MAK16: variants seen among roughly 807,000 people sequenced by gnomAD.
MAK16 encodes protein MAK16 homolog.
Under a neutral mutation model 49.9 loss-of-function variants are expected in MAK16, and 12 were observed. The observed-to-expected ratio is 0.24, with a 90% CI of 0.15 to 0.39. MAK16 has a LOEUF of 0.39. Among genes scored for constraint, MAK16 ranks in the 10% least tolerant of loss-of-function variants. The probability of loss-of-function intolerance (pLI) is 1.00; values close to 1 mark genes in which losing one functional copy is unlikely to be tolerated. For missense variants in MAK16, 292 were observed against 363.7 expected (o/e 0.80, Z 1.60); for synonymous variants, 115 against 126.4 (o/e 0.91, Z 0.60).
Position 33,489,084 on chromosome 8 carries a change from T to G in MAK16, c.337T>G (p.Phe113Val), listed in dbSNP as rs1808734696. The change falls in exon 5 of 10, where the codon TTC becomes GTC. Residue 113 changes from phenylalanine (F) to valine (V), a missense_variant. Coordinates refer to ENST00000360128, the MANE Select transcript of MAK16 (RefSeq NM_032509.4). The surrounding 1 kb of genome is among the most constrained non-coding windows in gnomAD (Gnocchi z 4.2). ...RFIRHKCKQR[F>V]TKITQYLIRI... ...CATTCGACACAAATGTAAGCAGAGA[T>G]TCACCAAGATCACCCAATACCTAAT... The G allele has an allele frequency of 1.2e-6, 2 of 1,614,042 alleles. No individual in the cohort carries two copies. The highest frequency in any genetic ancestry group is 2.2e-5 in the South Asian group (2 of 91,080).
At position 33,489,967 on chromosome 8, in the gene MAK16, C is replaced by T. The variant is rs1464195098; in HGVS notation, c.393-318C>T. 2.0e-5 allele frequency among the ~76,000 whole-genome samples: 3 copies of T among 152,080 alleles called. No individual in the cohort carries two copies. The highest frequency in any genetic ancestry group is 7.2e-5 in the African/African-American group (3 of 41,410). On this transcript the variant is annotated intron_variant, in intron 5 of 9. Transcript: ENST00000360128. This position sits in a 1 kb window ranked among gnomAD's most constrained non-coding sequence, Gnocchi z 4.2. ...AGTCTTAATTTTAGCATGGTGAATG[C>T]CCTGAGAATCCCAGAATGCCTGAAC...
At position 33,488,809 on chromosome 8, in the gene MAK16, C is replaced by A. The variant is rs1808726961; in HGVS notation, c.240+11C>A. The A allele has an allele frequency of 1.2e-6, 2 of 1,613,860 alleles. No individual in the cohort carries two copies. The highest frequency in any genetic ancestry group is 1.7e-6 in the Non-Finnish European group (2 of 1,179,862). On this transcript the variant is annotated intron_variant, in intron 4 of 9. Coordinates refer to ENST00000360128, the MANE Select transcript of MAK16 (RefSeq NM_032509.4). Reference sequence around the variant, plus strand: ...CGTCTCTGGGAACGGGTAAGCCTTACAACAAAACTACAGTGACCGCTGATC... The same window carrying A: ...CGTCTCTGGGAACGGGTAAGCCTTAAAACAAAACTACAGTGACCGCTGATC...
intron 6 of MAK16, among the ~76,000 whole-genome samples, chr8:33,492,674 CG>C (rs1808796485): frequency 6.6e-6 from 1 of 152,090 alleles, no homozygotes; most frequent in Non-Finnish European, 1.5e-5. Flanking sequence ...AGTGTATGTT[CG>C]TGGCACGTTT....
chr8:33,488,828 G>A (rs771219602), intron 4 of MAK16, 30 bp downstream of exon 4: 12 of 1,612,042 alleles, frequency 7.4e-6, no homozygotes, highest in South Asian at 4.4e-5. Flanking sequence ...TACAGTGACC[G>A]CTGATCAAGA....
At position 33,489,718 on chromosome 8, in the gene MAK16, T is replaced by C. The variant is rs1227354923; in HGVS notation, c.393-567T>C. Among the ~76,000 whole-genome samples the C allele has an allele frequency of 6.6e-6, 1 of 152,140 alleles. No homozygotes were observed. Among genetic ancestry groups the C allele is most frequent in the African/African-American group, 2.4e-5 (1 of 41,448 alleles). ...ATGACCCCCGAGGGAATCTTAACTT[T>C]AGAGATTTGAAAATGATCTAAGACA... is the stretch of plus-strand genomic sequence containing the variant. On this transcript the variant is annotated intron_variant, in intron 5 of 9. Coordinates refer to ENST00000360128, the MANE Select transcript of MAK16 (RefSeq NM_032509.4). This position sits in a 1 kb window ranked among gnomAD's most constrained non-coding sequence, Gnocchi z 4.2.
intron 6 of MAK16, among the ~76,000 whole-genome samples, chr8:33,492,703 T>C (rs192371866): frequency 1.6e-3 from 244 of 152,332 alleles, no homozygotes; most frequent in African/African-American, 4.7e-3. Flanking sequence ...ATGAGTTCAC[T>C]GTACGTGTGT....
chr8:33,500,493 G>C lies in MAK16; in HGVS notation c.*1864G>C. 1.2e-6 allele frequency: 2 copies of C among 1,613,868 alleles called. No individual in the cohort carries two copies. Among genetic ancestry groups the C allele is most frequent in the Non-Finnish European group, 1.7e-6 (2 of 1,179,954 alleles). ...AGACCACAAGTCTGCAGGAAACTCT[G>C]GAATCAGGAAGAAAAGCTATGTTCA... On this transcript the variant is annotated 3_prime_UTR_variant, in exon 10 of 10. Transcript: ENST00000360128.
At chr8:33,485,592 T>TC in intron 1 of MAK16, 1 of 349,946 alleles carries the variant, frequency 2.9e-6, no homozygotes. Context: ...AGCGTCCTTC[T>TC]CATCCATGTG....
intron 7 of MAK16, among the ~76,000 whole-genome samples, chr8:33,495,889 T>C (rs754246248): frequency 2.4e-4 from 37 of 151,758 alleles, no homozygotes; most frequent in Non-Finnish European, 4.9e-4. Flanking sequence ...CTAATTTTTG[T>C]ATTTTTAGTA....
At position 33,498,444 on chromosome 8, in the gene MAK16, C is replaced by G. The variant is rs1020087126; in HGVS notation, c.718C>G (p.Leu240Val). The change falls in exon 10 of 10, where the codon CTG (leucine) becomes GTG (valine). Residue 240 changes from leucine to valine, a missense_variant. Physicochemically the swap from Leu to Val is conservative, Grantham distance 32. Transcript: ENST00000360128. The stretch of plus-strand genomic sequence containing the variant: ...CTCCCCGTAATAGGATATGGATAAA[C>G]TGGATGCCAGCAGTGATGAAGATCA... ...DISDFEDMDK[L>V]DASSDEDQDG... 1 of 1,613,934 alleles carries G rather than the reference C, an allele frequency of 6.2e-7. No homozygotes were observed. Among genetic ancestry groups the G allele is most frequent in the Non-Finnish European group, 8.5e-7 (1 of 1,179,992 alleles).
At chr8:33,487,980 G>A (rs1049267853) in intron 1 of MAK16, among the ~76,000 whole-genome samples, 1 of 152,080 alleles carries the variant, frequency 6.6e-6, no homozygotes, top group Non-Finnish European at 1.5e-5. Context: ...CCAGGCTGGA[G>A]CGCAATGGCA....
rs1427376040 is a variant in MAK16 at position 33,498,701 on chromosome 8, A to G, written c.*72A>G. The G allele has an allele frequency of 7.9e-7, 1 of 1,270,580 alleles. No individual in the cohort carries two copies. The highest frequency in any genetic ancestry group is 2.4e-5 in the East Asian group (1 of 41,882). The allele number at this position is 1,270,580 out of a possible 1,614,324, so 78.7% of individuals were successfully genotyped here. On this transcript the variant is annotated 3_prime_UTR_variant, in exon 10 of 10. Coordinates refer to ENST00000360128, the MANE Select transcript of MAK16 (RefSeq NM_032509.4). ...TTTTTTTTTTTTTTATCTTAAACAC[A>G]TACACACCTCCAGTTTTTGCTCTTT...
chr8:33,493,613 T>C (rs969662582), intron 6 of MAK16, among the ~76,000 whole-genome samples: 3 of 152,228 alleles, frequency 2.0e-5, no homozygotes, highest in African/African-American at 7.2e-5. Flanking sequence ...TCAAGTACTT[T>C]AATTTTTCAT....
chr8:33,496,673 GAAC>G lies in MAK16; in HGVS notation c.576_578del (p.Gln193del). 1 of 1,613,476 alleles carries G rather than the reference GAAC, an allele frequency of 6.2e-7. No individual in the cohort carries two copies. Among genetic ancestry groups the G allele is most frequent in the Non-Finnish European group, 8.5e-7 (1 of 1,179,740 alleles). ...CATTCATGCCTTCGACAAAGCCCTG[GAAC>G]AACAGGAGGCAGAGAGTGACTCTTC... On this transcript the variant is annotated inframe_deletion, in exon 8 of 10. Transcript: ENST00000360128.
Position 33,490,266 on chromosome 8 carries a change from T to A in MAK16, c.393-19T>A, listed in dbSNP as rs1808756442. The A allele has an allele frequency of 6.2e-7, 1 of 1,602,566 alleles. No homozygotes were observed. Among genetic ancestry groups the A allele is most frequent in the Admixed American group, 1.7e-5 (1 of 59,746 alleles). Reference sequence around the variant, plus strand: ...CAGCACATGACAGTGGATTTTCTGATATATTTTCTTTCCCTTAGGAGGAAA... The same window carrying A: ...CAGCACATGACAGTGGATTTTCTGAAATATTTTCTTTCCCTTAGGAGGAAA... On this transcript the variant is annotated intron_variant, in intron 5 of 9. Transcript: ENST00000360128.
intron 6 of MAK16, among the ~76,000 whole-genome samples, chr8:33,491,715 C>T (rs1808782828): frequency 6.8e-6 from 1 of 146,324 alleles, no homozygotes; most frequent in Non-Finnish European, 1.5e-5. Flanking sequence ...CTCACTGCAA[C>T]CTCTGCTTCC....
At chr8:33,497,380 C>A in intron 9 of MAK16, 83 bp downstream of exon 9, 1 of 1,056,006 alleles carries the variant, frequency 9.5e-7, no homozygotes, top group East Asian at 2.4e-5. Context: ...GGCCAGGCAC[C>A]GTGGTTCACT....
chr8:33,485,537 G>T, intron 1 of MAK16: 1 of 440,570 alleles, frequency 2.3e-6, no homozygotes, highest in Non-Finnish European at 4.1e-6. Flanking sequence ...TCCGGACTTG[G>T]GGTGGGGGGC....
chr8:33,491,087 C>T (rs776345581), intron 6 of MAK16, among the ~76,000 whole-genome samples: 2 of 152,220 alleles, frequency 1.3e-5, no homozygotes, highest in African/African-American at 2.4e-5. Flanking sequence ...CCTCCGGTTC[C>T]ATCCATGTTG....
Sources: gnomAD v4.1 joint callset for allele counts (sites outside exome capture counted in the v4.1 genomes callset) on GRCh38, gnomAD v4.1.1 for gene constraint, Gnocchi (gnomAD v3.1) non-coding constraint, MANE v1.5 for transcripts, NCBI Gene and HGNC (gene_info 2026-07-23, HGNC 2026-07-21) for gene names.